Variants in ADGRB3 observed in about 807,000 individuals in gnomAD.
ADGRB3 encodes the protein brain-specific angiogenesis inhibitor 3.
In ADGRB3, 37 loss-of-function variants were observed where a neutral mutation model predicts 193.4. The ratio of observed to expected loss-of-function variants is 0.19; its 90% CI spans 0.15 to 0.25. The LOEUF (loss-of-function observed/expected upper bound fraction) is 0.25, where lower values mean the gene tolerates loss of function less well. Ranked by LOEUF, ADGRB3 falls within the 10% of genes least tolerant of loss-of-function variation. The pLI is 1.00. For missense variants in ADGRB3, 1,637 were observed against 1,852.9 expected (o/e 0.88, Z 2.14); for synonymous variants, 690 against 644.2 (o/e 1.07, Z -1.08).
At chr6:69,018,537 TAAA>T in intron 13 of ADGRB3, 38 bp downstream of exon 13, 2 of 1,407,170 alleles carry the variant, frequency 1.4e-6, no homozygotes, top group Non-Finnish European at 2.0e-6. Flanking sequence ...CTTTCTGAAA[TAAA>T]AAAAAATTGC....
intron 26 of ADGRB3, among the ~76,000 whole-genome samples, chr6:69,350,168 T>A (rs1278413987): frequency 1.3e-5 from 2 of 152,004 alleles, no homozygotes; most frequent in South Asian, 2.1e-4. Context: ...TTTTCAGGAG[T>A]TTTTAGAGCA....
At chr6:69,114,263 T>G (rs1316642226) in intron 17 of ADGRB3, among the ~76,000 whole-genome samples, 1 of 152,138 alleles carries the variant, frequency 6.6e-6, no homozygotes, top group Non-Finnish European at 1.5e-5. Flanking sequence ...AAGACAAAGA[T>G]TTTTCTTTTC....
intron 3 of ADGRB3, among the ~76,000 whole-genome samples, chr6:68,899,967 C>G: frequency 6.6e-6 from 1 of 151,776 alleles, no homozygotes; most frequent in Non-Finnish European, 1.5e-5. Flanking sequence ...GAGTAATATA[C>G]CTGAGAGTAA....
In ADGRB3 at chr6:69,301,747, A is replaced by G. The variant is rs140680456; in HGVS notation, c.2815-23125A>G. 6.8e-4 allele frequency among the ~76,000 whole-genome samples: 103 copies of G among 152,094 alleles called. 2 individuals are homozygous for G. The East Asian group carries it at 0.019, about 28-fold the overall frequency. ...AATGACCATTGTAGAAAAAGAAAAT[A>G]ACTCATGAAACTGCTACTGTGACAA... On this transcript the variant is annotated intron_variant, in intron 20 of 31. Transcript: ENST00000370598.
intron 3 of ADGRB3, among the ~76,000 whole-genome samples, chr6:68,691,214 C>A (rs934434370): frequency 6.6e-6 from 1 of 152,040 alleles, no homozygotes; most frequent in Admixed American, 6.6e-5. Context: ...GAGTACATGA[C>A]TTTTTTTCTT....
chr6:69,227,024 T>C (rs1487836889), intron 17 of ADGRB3, among the ~76,000 whole-genome samples: 1 of 152,164 alleles, frequency 6.6e-6, no homozygotes, highest in East Asian at 1.9e-4. Context: ...TGATGGGAAG[T>C]GTTAAATATA....
At position 68,921,806 on chromosome 6, in the gene ADGRB3, CA is replaced by C. The variant is rs571178156; in HGVS notation, c.758-8744del. 8.7e-3 allele frequency among the ~76,000 whole-genome samples: 1,308 copies of C among 150,164 alleles called. 17 individuals are homozygous for C. Among genetic ancestry groups the C allele is most frequent in the African/African-American group, 0.027 (1,128 of 41,058 alleles). ...ATAGAGAGACTAGATTGGTTCATAA[CA>C]AAAAAAAATCTATTAAAATTAAAAA... is the stretch of plus-strand genomic sequence containing the variant. On this transcript the variant is annotated intron_variant, in intron 3 of 31. Coordinates refer to ENST00000370598, the MANE Select transcript of ADGRB3 (RefSeq NM_001704.3).
intron 12 of ADGRB3, among the ~76,000 whole-genome samples, chr6:69,016,826 G>T (rs1249073012): frequency 6.6e-6 from 1 of 151,752 alleles, no homozygotes; most frequent in Non-Finnish European, 1.5e-5. Context: ...AAGAGAGTGG[G>T]GTTGAGGGAG....
chr6:69,201,797 G>T (rs1050983149), intron 17 of ADGRB3, among the ~76,000 whole-genome samples: 1 of 151,852 alleles, frequency 6.6e-6, no homozygotes, highest in Non-Finnish European at 1.5e-5. Context: ...TCCCTGAATG[G>T]ACTATTTCAA....
intron 20 of ADGRB3, among the ~76,000 whole-genome samples, chr6:69,279,869 G>A (rs1582600940): frequency 6.6e-6 from 1 of 151,946 alleles, no homozygotes; most frequent in Non-Finnish European, 1.5e-5. Context: ...TTTATACTAG[G>A]TAGCCAGTAC....
At chr6:69,026,332 A>C (rs1389839672) in intron 13 of ADGRB3, among the ~76,000 whole-genome samples, 1 of 152,118 alleles carries the variant, frequency 6.6e-6, no homozygotes, top group Non-Finnish European at 1.5e-5. Context: ...ATAGAACTGA[A>C]CCTTTAGAGC....
intron 26 of ADGRB3, among the ~76,000 whole-genome samples, chr6:69,349,992 G>A (rs994818443): frequency 1.3e-5 from 2 of 152,100 alleles, no homozygotes; most frequent in Non-Finnish European, 2.9e-5. Flanking sequence ...CCACAATGAC[G>A]CGCTACCAGC....
At chr6:68,896,424 G>GA (rs1214245798) in intron 3 of ADGRB3, among the ~76,000 whole-genome samples, 1 of 151,994 alleles carries the variant, frequency 6.6e-6, no homozygotes, top group Non-Finnish European at 1.5e-5. Flanking sequence ...TTATAGAGGA[G>GA]AAAAATAGCT....
At chr6:69,098,530 A>G (rs1772948530) in intron 17 of ADGRB3, among the ~76,000 whole-genome samples, 1 of 152,148 alleles carries the variant, frequency 6.6e-6, no homozygotes, top group South Asian at 2.1e-4. Context: ...GGGAGACCTC[A>G]TGAAACTTAC....
At chr6:68,988,810 C>G (rs1769151798) in intron 10 of ADGRB3, among the ~76,000 whole-genome samples, 1 of 152,112 alleles carries the variant, frequency 6.6e-6, no homozygotes, top group African/African-American at 2.4e-5. Context: ...GCTGCTCTAG[C>G]CTCATGAAGT....
At chr6:68,975,822 C>G (rs1768727359) in intron 10 of ADGRB3, among the ~76,000 whole-genome samples, 1 of 152,178 alleles carries the variant, frequency 6.6e-6, no homozygotes, top group Non-Finnish European at 1.5e-5. Flanking sequence ...ACCAGAGAAA[C>G]TTAATTACTC....
chr6:68,971,322 T>A (rs1241656286), intron 8 of ADGRB3, among the ~76,000 whole-genome samples: 1 of 152,196 alleles, frequency 6.6e-6, no homozygotes, highest in East Asian at 1.9e-4. Flanking sequence ...TATGGTACAG[T>A]CATACCTTGG....
intron 17 of ADGRB3, among the ~76,000 whole-genome samples, chr6:69,098,951 G>A (rs1772958774): frequency 6.6e-6 from 1 of 152,132 alleles, no homozygotes; most frequent in Non-Finnish European, 1.5e-5. Flanking sequence ...ACTGGTATTT[G>A]AGAAGTTCTT....
In ADGRB3 at chr6:68,891,508, A is replaced by G. The variant is rs186886246; in HGVS notation, c.758-39051A>G. 2.4e-3 allele frequency among the ~76,000 whole-genome samples: 368 copies of G among 152,300 alleles called. 3 individuals carry two copies. Among genetic ancestry groups the G allele is most frequent in the South Asian group, 9.3e-3 (45 of 4,820 alleles). On this transcript the variant is annotated intron_variant, in intron 3 of 31. Transcript: ENST00000370598. ...TTAACTAGGTAAATTTAAAAATGAA[A>G]AGTATGTGAGACATTATGATGGTAG...
Sources: allele counts gnomAD v4.1 joint callset (sites outside exome capture counted in the v4.1 genomes callset), GRCh38; gene constraint gnomAD v4.1.1; transcripts MANE v1.5; gene names NCBI Gene and HGNC (gene_info 2026-07-23, HGNC 2026-07-21).